The following FMN1 variants were observed in gnomAD, a reference collection of about 807,000 sequenced individuals.
FMN1 encodes formin-1.
A neutral mutation model predicts 132.4 loss-of-function variants in FMN1; 110 were observed. The ratio of observed to expected loss-of-function variants is 0.83; its 90% confidence interval spans 0.71 to 0.97. FMN1 has a LOEUF of 0.97. Ranked by LOEUF, FMN1 falls within the 50% of genes least tolerant of loss-of-function variation. The pLI is 0.00. For missense variants in FMN1, 1,792 were observed against 1,705.3 expected (o/e 1.05, Z -0.90); for synonymous variants, 722 against 651.7 (o/e 1.11, Z -1.64).
chr15:33,012,523 A>C, intron 6 of FMN1: 2 of 1,515,040 alleles, frequency 1.3e-6, no homozygotes, highest in Middle Eastern at 2.3e-4. Context: ...GATTGAAATC[A>C]TGACTGACCG....
At chr15:32,941,866 A>C (rs2061407031) in intron 9 of FMN1, among the ~76,000 whole-genome samples, 1 of 152,176 alleles carries the variant, frequency 6.6e-6, no homozygotes, top group African/African-American at 2.4e-5. Context: ...GTTAAAAATC[A>C]GTTTTTGAGG....
intron 17 of FMN1, among the ~76,000 whole-genome samples, chr15:32,843,165 A>G (rs889245586): frequency 2.4e-4 from 37 of 151,330 alleles, no homozygotes; most frequent in Non-Finnish European, 4.9e-4. Flanking sequence ...AAGGTAGGGG[A>G]GAGATTTGAA....
Position 32,964,048 on chromosome 15 carries a change from C to CACACACACACACACACACAT in FMN1, c.3138+58_3138+59insATGTGTGTGTGTGTGTGTGT, listed in dbSNP as rs753118665. 20 of 1,125,028 alleles carry CACACACACACACACACACAT rather than the reference C, an allele frequency of 1.8e-5. No homozygotes were observed. The African/African-American group carries it at 3.2e-4, about 18-fold the overall frequency. 69.7% of individuals were successfully genotyped at this position (1,125,028 alleles called of 1,614,324 possible). On this transcript the variant is annotated intron_variant, in intron 9 of 20. Coordinates refer to ENST00000616417, the MANE Select transcript of FMN1 (RefSeq NM_001277313.2). Reference sequence around the variant, plus strand: ...ACACACACACACACACACACACACACATATATACCATTTCCCTGTATAATA... The same window carrying CACACACACACACACACACAT: ...ACACACACACACACACACACACACACACACACACACACACACACATATATATACCATTTCCCTGTATAATA...
At chr15:33,116,477 C>T (rs1386194193) in intron 4 of FMN1, among the ~76,000 whole-genome samples, 1 of 152,166 alleles carries the variant, frequency 6.6e-6, no homozygotes, top group Non-Finnish European at 1.5e-5. Context: ...TCCGACCATG[C>T]GGCAGCCCTG....
chr15:32,855,416 C>A (rs1306231995), intron 17 of FMN1, among the ~76,000 whole-genome samples: 4 of 152,130 alleles, frequency 2.6e-5, no homozygotes, highest in African/African-American at 7.2e-5. Context: ...TCTGAATAGA[C>A]CAGAATTGTC....
chr15:33,108,096 G>A (rs773925814), intron 4 of FMN1, among the ~76,000 whole-genome samples: 8 of 152,084 alleles, frequency 5.3e-5, no homozygotes, highest in Non-Finnish European at 7.4e-5. Flanking sequence ...CTCTGGGAGA[G>A]CAATGCCTTC....
At chr15:33,124,970 G>A (rs942827696) in intron 4 of FMN1, among the ~76,000 whole-genome samples, 14 of 152,012 alleles carry the variant, frequency 9.2e-5, no homozygotes, top group East Asian at 1.9e-4. Flanking sequence ...GAAATCAGAG[G>A]CAATTCAAAT....
intron 4 of FMN1, among the ~76,000 whole-genome samples, chr15:33,115,984 G>T (rs1595505679): frequency 6.6e-6 from 1 of 152,114 alleles, no homozygotes; most frequent in Non-Finnish European, 1.5e-5. Context: ...AGGTAGCTTT[G>T]GGCTGGGCTG....
intron 17 of FMN1, among the ~76,000 whole-genome samples, chr15:32,836,155 ACAGCTGGG>A (rs1226752358): frequency 1.3e-5 from 2 of 152,072 alleles, no homozygotes; most frequent in African/African-American, 4.8e-5. Context: ...GCGACTGCTC[ACAGCTGGG>A]ATTACAAGGC....
chr15:33,119,538 C>T (rs996773792), intron 4 of FMN1, among the ~76,000 whole-genome samples: 2 of 152,166 alleles, frequency 1.3e-5, no homozygotes, highest in Non-Finnish European at 2.9e-5. Flanking sequence ...AGACAGGTTT[C>T]GCCACTTTAT....
intron 6 of FMN1, among the ~76,000 whole-genome samples, chr15:33,061,959 GAA>G (rs1010031726): frequency 7.2e-5 from 11 of 152,062 alleles, no homozygotes; most frequent in Admixed American, 2.0e-4. Context: ...TTAGATCAGA[GAA>G]AGTCTTTTAA....
chr15:33,116,900 C>T (rs141651236), intron 4 of FMN1, among the ~76,000 whole-genome samples: 2,408 of 151,792 alleles, frequency 0.016, 36 homozygotes, highest in Non-Finnish European at 0.025. Flanking sequence ...TTAAAGAAAA[C>T]GAAGTACTTG....
At position 32,804,292 on chromosome 15, in the gene FMN1, A is replaced by G. The variant is rs1428529144; in HGVS notation, c.3969T>C (p.Asn1323=). Residue 1323 remains asparagine (N), a synonymous_variant, in exon 18 of 21, where the codon AAT becomes AAC. Transcript: ENST00000616417. ...EHKMEESHLE[N]AQKSFETTVR... ...TCAGAGCTGCTTACCTTTTCTGTGCATTCTCCAAGTGACTTTCTTCCATCT... is the reference window on the plus strand; with the variant it reads ...TCAGAGCTGCTTACCTTTTCTGTGCGTTCTCCAAGTGACTTTCTTCCATCT... 1.9e-6 allele frequency: 3 copies of G among 1,569,042 alleles called. No homozygotes were observed. Among genetic ancestry groups the G allele is most frequent in the Non-Finnish European group, 1.7e-6 (2 of 1,155,692 alleles).
At chr15:33,102,219 A>G (rs964082636) in intron 4 of FMN1, among the ~76,000 whole-genome samples, 1 of 152,106 alleles carries the variant, frequency 6.6e-6, no homozygotes, top group Non-Finnish European at 1.5e-5. Context: ...TGTCTTTGTA[A>G]GTATTACTGA....
intron 3 of FMN1, among the ~76,000 whole-genome samples, chr15:33,161,837 G>A (rs1005349667): frequency 6.6e-6 from 1 of 151,742 alleles, no homozygotes. Context: ...AGAATGGCGT[G>A]AACCCGGGAG....
chr15:33,079,313 T>C (rs2038355858), intron 5 of FMN1, among the ~76,000 whole-genome samples: 1 of 152,244 alleles, frequency 6.6e-6, no homozygotes, highest in Non-Finnish European at 1.5e-5. Flanking sequence ...AAGCTTTTTA[T>C]TCTTTTTATT....
At chr15:32,836,709 A>T (rs1215417231) in intron 17 of FMN1, among the ~76,000 whole-genome samples, 1 of 152,066 alleles carries the variant, frequency 6.6e-6, no homozygotes, top group Non-Finnish European at 1.5e-5. Context: ...TTTTTTTAGA[A>T]TGCAAAGTAT....
chr15:33,065,236 C>T (rs1382088333), intron 5 of FMN1, among the ~76,000 whole-genome samples, 162 bp from the exon 6 acceptor site: 1 of 152,140 alleles, frequency 6.6e-6, no homozygotes, highest in Non-Finnish European at 1.5e-5. Flanking sequence ...TGACCCTTTT[C>T]CAGAAGTGTA....
At chr15:33,077,348 T>G (rs1405972158) in intron 5 of FMN1, among the ~76,000 whole-genome samples, 1 of 114,790 alleles carries the variant, frequency 8.7e-6, no homozygotes, top group Non-Finnish European at 1.8e-5. Flanking sequence ...CCTTTTTTTT[T>G]TTTTTAATAT....
Sources: allele counts gnomAD v4.1 joint callset (sites outside exome capture counted in the v4.1 genomes callset), GRCh38; gene constraint gnomAD v4.1.1; transcripts MANE v1.5; gene names NCBI Gene and HGNC (gene_info 2026-07-23, HGNC 2026-07-21).